Variants in EBF1 observed in about 807,000 individuals in gnomAD.
EBF1 encodes transcription factor COE1.
A neutral mutation model predicts 68.4 loss-of-function variants in EBF1; 10 were observed. The ratio of observed to expected loss-of-function variants is 0.15; its 90% CI spans 0.09 to 0.25. EBF1 has a LOEUF of 0.25. EBF1 is among the 10% of genes least tolerant of loss of function. The pLI is 1.00. For missense variants in EBF1, 509 were observed against 794.4 expected, an observed-to-expected ratio of 0.64 and a Z score of 4.32; for synonymous variants, 298 against 299.8, an observed-to-expected ratio of 0.99 and a Z score of 0.06.
chr5:158,917,592 G>T (rs542075445), intron 6 of EBF1, among the ~76,000 whole-genome samples: 1 of 152,162 alleles, frequency 6.6e-6, no homozygotes, highest in African/African-American at 2.4e-5. Flanking sequence ...AAGAAAAACC[G>T]TAAGTGGCAC....
At chr5:159,080,274 T>C (rs1313495211) in intron 5 of EBF1, among the ~76,000 whole-genome samples, 2 of 152,104 alleles carry the variant, frequency 1.3e-5, no homozygotes, top group African/African-American at 4.8e-5. Flanking sequence ...CTACAAGTAT[T>C]TCCTCCCTTC....
chr5:158,735,135 C>T (rs1050382482), intron 10 of EBF1, among the ~76,000 whole-genome samples: 4 of 152,080 alleles, frequency 2.6e-5, no homozygotes, highest in African/African-American at 9.7e-5. Context: ...CATCATAAGC[C>T]CTTTAAAACA....
chr5:159,084,025 A>G (rs1432423595), intron 5 of EBF1, among the ~76,000 whole-genome samples: 1 of 152,164 alleles, frequency 6.6e-6, no homozygotes, highest in African/African-American at 2.4e-5. Context: ...AAAAATAAAG[A>G]CACTCATCTA....
At chr5:158,784,607 T>A (rs1206876267) in intron 9 of EBF1, among the ~76,000 whole-genome samples, 2 of 152,056 alleles carry the variant, frequency 1.3e-5, no homozygotes, top group Non-Finnish European at 2.9e-5. Flanking sequence ...AAAAAATAAC[T>A]GGGGTTACTA....
intron 6 of EBF1, among the ~76,000 whole-genome samples, chr5:158,858,882 CA>C (rs1346422480): frequency 6.6e-6 from 1 of 152,068 alleles, no homozygotes; most frequent in Non-Finnish European, 1.5e-5. Context: ...CTAATGAGGT[CA>C]GGGGTGGGGC....
Position 159,099,680 on chromosome 5 carries a change from C to T in EBF1, c.-202G>A, listed in dbSNP as rs112634482. 1,588 of 502,606 alleles carry T rather than the reference C, an allele frequency of 3.2e-3. 21 individuals are homozygous for T. The highest frequency in any genetic ancestry group is 0.03 in the African/African-American group (1,478 of 49,444). 31.1% of individuals were successfully genotyped at this position (502,606 alleles called of 1,614,324 possible). A position where few individuals can be genotyped will look rare whatever the true frequency, so the allele number is the denominator to read the frequency against. ...AAAAAATGTAAACCTCTGCTCAAAA[C>T]TGAGCGATAACCCGAAAAAAAGAAG... On this transcript the variant is annotated 5_prime_UTR_variant, in exon 1 of 16. Transcript: ENST00000313708.
At chr5:158,883,359 T>C (rs368697858) in intron 6 of EBF1, among the ~76,000 whole-genome samples, 3 of 142,944 alleles carry the variant, frequency 2.1e-5, no homozygotes, top group African/African-American at 2.5e-5. Flanking sequence ...TATATATATA[T>C]ATACACATAC....
rs576317200 is a variant in EBF1 at position 158,972,587 on chromosome 5, C to T, written c.554+100809G>A. 1.9e-3 allele frequency among the ~76,000 whole-genome samples: 283 copies of T among 152,312 alleles called. 1 individual carries two copies. The highest frequency in any genetic ancestry group is 6.5e-3 in the African/African-American group (272 of 41,560). ...AATACCCAAAGCCTGTTGTTGGAAA[C>T]GCTTCCCTTTAGTTTAAGGCTTCTT... On this transcript the variant is annotated intron_variant, in intron 6 of 15. Transcript: ENST00000313708.
intron 9 of EBF1, among the ~76,000 whole-genome samples, chr5:158,787,648 C>A (rs1777726315): frequency 6.6e-6 from 1 of 152,098 alleles, no homozygotes; most frequent in East Asian, 1.9e-4. Context: ...AGCTGTGGGA[C>A]CTTTGGAAAG....
At chr5:158,946,230 C>T (rs1228580256) in intron 6 of EBF1, among the ~76,000 whole-genome samples, 5 of 152,102 alleles carry the variant, frequency 3.3e-5, no homozygotes, top group Admixed American at 1.3e-4. Context: ...CCCTTGCTGG[C>T]GAGCAGTTGT....
chr5:158,803,950 C>CTG (rs10581149), intron 8 of EBF1, among the ~76,000 whole-genome samples: 5,461 of 131,414 alleles, frequency 0.042, 96 homozygotes, highest in South Asian at 0.056. Context: ...GTGTGTGTGT[C>CTG]TGTGTGTGTG....
intron 8 of EBF1, among the ~76,000 whole-genome samples, chr5:158,818,509 G>A (rs1434446799): frequency 6.6e-6 from 1 of 152,148 alleles, no homozygotes; most frequent in Admixed American, 6.5e-5. Context: ...GAATTCACTG[G>A]TGGTGGTGAA....
intron 6 of EBF1, among the ~76,000 whole-genome samples, chr5:158,923,500 T>C (rs1437444091): frequency 6.6e-6 from 1 of 152,198 alleles, no homozygotes; most frequent in Non-Finnish European, 1.5e-5. Context: ...CTCCATCAAT[T>C]TTATTACAAA....
chr5:158,714,180 T>C lies in EBF1; in HGVS notation c.1128A>G (p.Glu376=). The C allele has an allele frequency of 6.2e-7, 1 of 1,614,238 alleles. No homozygotes were observed. Among genetic ancestry groups the C allele is most frequent in the Non-Finnish European group, 8.5e-7 (1 of 1,180,034 alleles). ...HPGDPERLPK[E]VILKRAADLV... is the part of the protein sequence containing the mutation. ...GATCCGCAGCCCTTTTGAGTATTAC[T>C]TCCTGTCAAGAGAAAAGCAGATACA... Residue 376 remains glutamate, a splice_region_variant and synonymous_variant, in exon 12 of 16, where the codon GAA becomes GAG. Transcript: ENST00000313708.
chr5:159,028,227 G>A, intron 6 of EBF1, among the ~76,000 whole-genome samples: 1 of 152,268 alleles, frequency 6.6e-6, no homozygotes, highest in Non-Finnish European at 1.5e-5. Context: ...TGGCATCATG[G>A]CAATAGGAGG....
intron 6 of EBF1, among the ~76,000 whole-genome samples, chr5:158,977,145 G>A (rs1349759841): frequency 6.6e-6 from 1 of 152,198 alleles, no homozygotes. Context: ...CCTGAAAGGA[G>A]GCAGAGCTGA....
intron 7 of EBF1, among the ~76,000 whole-genome samples, chr5:158,827,345 A>C (rs1383283290): frequency 6.6e-6 from 1 of 152,212 alleles, no homozygotes; most frequent in Non-Finnish European, 1.5e-5. Context: ...CTAGTAACAC[A>C]TTATTACACA....
At chr5:158,822,437 T>G (rs1230758644) in intron 8 of EBF1, among the ~76,000 whole-genome samples, 2 of 152,188 alleles carry the variant, frequency 1.3e-5, no homozygotes, top group East Asian at 3.9e-4. Context: ...ACCCAACCCA[T>G]GGTTCTTCTG....
intron 10 of EBF1, among the ~76,000 whole-genome samples, chr5:158,738,044 T>G (rs1328414510): frequency 6.6e-6 from 1 of 152,180 alleles, no homozygotes; most frequent in Non-Finnish European, 1.5e-5. Flanking sequence ...AAAAAATAGT[T>G]TAAAGGAGGA....
Sources: gnomAD v4.1 joint callset for allele counts (sites outside exome capture counted in the v4.1 genomes callset) on GRCh38, gnomAD v4.1.1 for gene constraint, MANE v1.5 for transcripts, NCBI Gene and HGNC (gene_info 2026-07-23, HGNC 2026-07-21) for gene names.